CSMD2: variants seen among roughly 807,000 people sequenced by gnomAD.
The protein encoded by CSMD2 is CUB and sushi domain-containing protein 2.
Under a neutral mutation model 398.5 loss-of-function variants are expected in CSMD2, and 130 were observed. The observed-to-expected ratio is 0.33, with a 90% confidence interval of 0.28 to 0.38. The LOEUF (loss-of-function observed/expected upper bound fraction) is 0.38. CSMD2 is among the 10% of genes least tolerant of loss of function. The probability of loss-of-function intolerance (pLI) is 1.00; values close to 1 mark genes in which losing one functional copy is unlikely to be tolerated. For missense variants in CSMD2, 3,829 were observed against 4,764.9 expected (o/e 0.80, Z 5.78); for synonymous variants, 1,828 against 1,908.5 (o/e 0.96, Z 1.10).
rs1242376986 is a variant in CSMD2 at position 33,569,562 on chromosome 1, A to T, written c.7958-15T>A. 6.2e-7 allele frequency: 1 copy of T among 1,611,516 alleles called. No individual in the cohort carries two copies. Among genetic ancestry groups the T allele is most frequent in the South Asian group, 1.1e-5 (1 of 90,706 alleles). Reference sequence around the variant, plus strand: ...ACAGGAGATGACTAAAATGATCACAAGATGCTCAGTAAGCCAGCCCCAAGA... The same window carrying T: ...ACAGGAGATGACTAAAATGATCACATGATGCTCAGTAAGCCAGCCCCAAGA... On this transcript the variant is annotated splice_polypyrimidine_tract_variant and intron_variant, in intron 51 of 70. Coordinates refer to ENST00000373381, the MANE Select transcript of CSMD2 (RefSeq NM_001281956.2).
At chr1:33,523,556 TAA>T in intron 66 of CSMD2, 137 bp from the exon 67 acceptor site, 1 of 602,606 alleles carries the variant, frequency 1.7e-6, no homozygotes, top group Non-Finnish European at 3.0e-6. Context: ...CACATCCCTT[TAA>T]GTCGTAAGTG....
intron 1 of CSMD2, among the ~76,000 whole-genome samples, chr1:34,158,361 A>G (rs1640999875): frequency 6.6e-6 from 1 of 152,184 alleles, no homozygotes; most frequent in Non-Finnish European, 1.5e-5. Context: ...AGCTCTCACG[A>G]CACTGCAGCA....
rs571108042 is a variant in CSMD2, at chr1:33,739,273, G to C, written c.2235C>G (p.Asp745Glu). 6.2e-7 allele frequency: 1 copy of C among 1,614,180 alleles called. No individual in the cohort carries two copies. Among genetic ancestry groups the C allele is most frequent in the Non-Finnish European group, 8.5e-7 (1 of 1,180,012 alleles). Residue 745 changes from aspartate to glutamate, a missense_variant, in exon 15 of 71, where the codon GAC becomes GAG. Physicochemically the swap from Asp to Glu is conservative, Grantham distance 45 (BLOSUM62 2). This residue lies in a region of CSMD2 where 2,001 missense variants were observed against 2,567.1 expected (regional missense o/e 0.78). Coordinates refer to ENST00000373381, the MANE Select transcript of CSMD2 (RefSeq NM_001281956.2). ...GVPVNGKRFGDSLQLGSSISF... is the reference protein window; with the variant it reads ...GVPVNGKRFGESLQLGSSISF... ...AGATGGAGCTGCCCAGCTGGAGGCT[G>C]TCCCCAAACCGTTTGCCATTTACTG...
intron 3 of CSMD2, among the ~76,000 whole-genome samples, chr1:34,016,174 CATG>C (rs1335221773): frequency 6.6e-6 from 1 of 152,078 alleles, no homozygotes; most frequent in Non-Finnish European, 1.5e-5. Context: ...TTCTGGGATA[CATG>C]TTCTGAATGT....
At chr1:33,603,054 T>C (rs2148812223) in intron 42 of CSMD2, among the ~76,000 whole-genome samples, 1 of 152,222 alleles carries the variant, frequency 6.6e-6, no homozygotes, top group South Asian at 2.1e-4. Flanking sequence ...CTGAACGATG[T>C]ATTGAGCAGA....
At chr1:33,745,128 T>G (rs1446474351) in intron 13 of CSMD2, among the ~76,000 whole-genome samples, 1 of 152,202 alleles carries the variant, frequency 6.6e-6, no homozygotes, top group African/African-American at 2.4e-5. Context: ...AAGTGATAAA[T>G]ATGACCCTGT....
At chr1:33,926,079 G>C (rs1644118530) in intron 4 of CSMD2, among the ~76,000 whole-genome samples, 1 of 151,998 alleles carries the variant, frequency 6.6e-6, no homozygotes, top group African/African-American at 2.4e-5. Context: ...ATAATTAATT[G>C]ATCAATTATA....
intron 11 of CSMD2, among the ~76,000 whole-genome samples, chr1:33,789,808 A>G (rs1654012499): frequency 6.6e-6 from 1 of 152,174 alleles, no homozygotes. Flanking sequence ...GATTGTGGCC[A>G]GGCCAGTGCT....
chr1:33,568,189 C>CTTTTTT lies in CSMD2; in HGVS notation c.8132-354_8132-349dup, dbSNP rs370507143. On this transcript the variant is annotated intron_variant, in intron 52 of 70. Transcript: ENST00000373381. ...CCCAAAAACTCAAACTCAGGAGCAT[C>CTTTTTT]TTTTTTTTTTTTTTTTGAGACAAGA... 2.8e-5 allele frequency among the ~76,000 whole-genome samples: 4 copies of CTTTTTT among 141,334 alleles called. 1 individual carries two copies. Among genetic ancestry groups the CTTTTTT allele is most frequent in the Non-Finnish European group, 4.6e-5 (3 of 65,798 alleles). The allele number at this position is 141,334 out of a possible 152,430, so 92.7% of individuals were successfully genotyped here.
At chr1:33,914,542 G>A (rs1558095667) in intron 5 of CSMD2, among the ~76,000 whole-genome samples, 1 of 152,114 alleles carries the variant, frequency 6.6e-6, no homozygotes, top group Non-Finnish European at 1.5e-5. Flanking sequence ...ACACAAAAAT[G>A]CAATTAACTT....
intron 12 of CSMD2, among the ~76,000 whole-genome samples, chr1:33,784,717 G>A (rs1653302195): frequency 6.6e-6 from 1 of 152,186 alleles, no homozygotes; most frequent in Non-Finnish European, 1.5e-5. Flanking sequence ...CAGGTGCCTG[G>A]CCTGGAGGAC....
In CSMD2 at chr1:33,915,814, GA is replaced by G. The variant is rs1250009033; in HGVS notation, c.920+2279del. 3.3e-5 allele frequency among the ~76,000 whole-genome samples: 5 copies of G among 152,294 alleles called. No individual in the cohort carries two copies. The East Asian group carries it at 9.6e-4, about 29-fold the overall frequency. On this transcript the variant is annotated intron_variant, in intron 5 of 70. Coordinates refer to ENST00000373381, the MANE Select transcript of CSMD2 (RefSeq NM_001281956.2). Reference sequence around the variant, plus strand: ...TTACAAGGGAATGCTACATAGCCCGGAAAACTCATCACAGATATCGCATGTC... The same window carrying G: ...TTACAAGGGAATGCTACATAGCCCGGAAACTCATCACAGATATCGCATGTC...
At chr1:33,871,788 C>T (rs1241473947) in intron 5 of CSMD2, among the ~76,000 whole-genome samples, 1 of 152,040 alleles carries the variant, frequency 6.6e-6, no homozygotes, top group Non-Finnish European at 1.5e-5. Context: ...GGCTAATTTT[C>T]GTATTTTTCA....
At chr1:33,818,810 C>A (rs1400615315) in intron 9 of CSMD2, among the ~76,000 whole-genome samples, 1 of 152,158 alleles carries the variant, frequency 6.6e-6, no homozygotes, top group Non-Finnish European at 1.5e-5. Flanking sequence ...CAACTCTGCC[C>A]CTTTCTCAGT....
At chr1:33,644,065 G>T (rs1294636056) in intron 29 of CSMD2, among the ~76,000 whole-genome samples, 2 of 152,196 alleles carry the variant, frequency 1.3e-5, no homozygotes, top group African/African-American at 4.8e-5. Flanking sequence ...ACGTCTGTAG[G>T]ATGTGCCTCT....
chr1:33,858,437 CAT>C (rs972526371), intron 5 of CSMD2, among the ~76,000 whole-genome samples: 5 of 152,184 alleles, frequency 3.3e-5, no homozygotes, highest in Admixed American at 6.5e-5. Flanking sequence ...AGAGGCTAAA[CAT>C]ATGAGCCAAG....
chr1:33,829,884 G>A (rs1477962041), intron 6 of CSMD2, among the ~76,000 whole-genome samples: 7 of 152,292 alleles, frequency 4.6e-5, no homozygotes, highest in East Asian at 1.9e-4. Flanking sequence ...AGGGTCCTAC[G>A]CCCACGGAGT....
In CSMD2 at chr1:33,533,398, T is replaced by C. The variant is rs942861423; in HGVS notation, c.9992-169A>G. Among the ~76,000 whole-genome samples, 11 of 152,132 alleles carry C rather than the reference T, an allele frequency of 7.2e-5. No homozygotes were observed. The highest frequency in any genetic ancestry group is 7.2e-4 in the Admixed American group (11 of 15,284). On this transcript the variant is annotated intron_variant, in intron 63 of 70. Coordinates refer to ENST00000373381, the MANE Select transcript of CSMD2 (RefSeq NM_001281956.2). The surrounding 1 kb of genome is among the most constrained non-coding windows in gnomAD (Gnocchi z 4.2). ...TCCACCCTAACCCAAGCTCTGTGTCTAGAGGAATGGCCAAGATGGAGATCA... is the reference window on the plus strand; with the variant it reads ...TCCACCCTAACCCAAGCTCTGTGTCCAGAGGAATGGCCAAGATGGAGATCA...
intron 55 of CSMD2, among the ~76,000 whole-genome samples, chr1:33,553,082 A>G (rs1657612056): frequency 6.6e-6 from 1 of 152,220 alleles, no homozygotes; most frequent in Non-Finnish European, 1.5e-5. Context: ...AATCATGCCA[A>G]TACTAAAAGA....
Sources: gnomAD v4.1 joint callset for allele counts (sites outside exome capture counted in the v4.1 genomes callset) on GRCh38, gnomAD v4.1.1 for gene constraint, gnomAD v4.1.1 regional missense constraint, Gnocchi (gnomAD v3.1) non-coding constraint, MANE v1.5 for transcripts, NCBI Gene and HGNC (gene_info 2026-07-23, HGNC 2026-07-21) for gene names.